Variants in PPARGC1A observed in about 807,000 individuals in gnomAD.
The protein encoded by PPARGC1A is peroxisome proliferator-activated receptor gamma coactivator 1-alpha.
In PPARGC1A, 25 loss-of-function variants were observed where a neutral mutation model predicts 88.7. The observed-to-expected ratio is 0.28, with a 90% CI of 0.21 to 0.39. The LOEUF is 0.39. PPARGC1A is among the 10% of genes least tolerant of loss of function. The pLI is 1.00. For missense variants in PPARGC1A, 880 were observed against 968.7 expected, an observed-to-expected ratio of 0.91 and a Z score of 1.22; for synonymous variants, 363 against 355.6, an observed-to-expected ratio of 1.02 and a Z score of -0.24.
the PPARGC1A span, among the ~76,000 whole-genome samples, chr4:24,233,751 G>T: frequency 6.6e-6 from 1 of 151,432 alleles, no homozygotes; most frequent in South Asian, 2.1e-4. Flanking sequence ...GGTCACACAG[G>T]TTAAAAAAAA....
chr4:23,926,254 C>T, the PPARGC1A span, among the ~76,000 whole-genome samples: 1 of 152,132 alleles, frequency 6.6e-6, no homozygotes, highest in African/African-American at 2.4e-5. Flanking sequence ...TCTTGCAGGA[C>T]CAGAACACTC....
the PPARGC1A span, among the ~76,000 whole-genome samples, chr4:24,246,121 G>T: frequency 4.6e-5 from 7 of 152,162 alleles, 1 homozygote; most frequent in African/African-American, 1.7e-4. Context: ...ATTTTCTGGT[G>T]TTTTTGTCTC....
the PPARGC1A span, among the ~76,000 whole-genome samples, chr4:24,236,128 T>C: frequency 6.6e-6 from 1 of 152,220 alleles, no homozygotes; most frequent in East Asian, 1.9e-4. Context: ...CTTTCTTACT[T>C]GTCAGCCAAC....
chr4:23,807,401 C>T (rs1306090061), intron 10 of PPARGC1A, among the ~76,000 whole-genome samples: 5 of 152,026 alleles, frequency 3.3e-5, no homozygotes, highest in Admixed American at 3.3e-4. Context: ...ATTCACGTAC[C>T]GTGTGCTACT....
chr4:24,158,429 C>T, the PPARGC1A span, among the ~76,000 whole-genome samples: 1 of 152,184 alleles, frequency 6.6e-6, no homozygotes, highest in East Asian at 1.9e-4. Flanking sequence ...AAAACAAGAT[C>T]AGGCATATGT....
chr4:23,844,973 A>G (rs1216785506), intron 2 of PPARGC1A, among the ~76,000 whole-genome samples: 1 of 149,938 alleles, frequency 6.7e-6, no homozygotes. Flanking sequence ...AGACAGGGAA[A>G]AGAGTAAGAG....
chr4:24,047,224 C>T, the PPARGC1A span, among the ~76,000 whole-genome samples: 4 of 152,156 alleles, frequency 2.6e-5, no homozygotes, highest in African/African-American at 9.7e-5. Flanking sequence ...TTTACTGTCC[C>T]TATTTGCCTG....
the PPARGC1A span, among the ~76,000 whole-genome samples, chr4:24,395,876 T>G: frequency 5.3e-5 from 8 of 152,226 alleles, no homozygotes; most frequent in African/African-American, 1.9e-4. Flanking sequence ...TGCCCCTCCA[T>G]GCTTCCACAT....
At chr4:23,808,168 G>A (rs527881408) in intron 10 of PPARGC1A, among the ~76,000 whole-genome samples, 54 of 149,144 alleles carry the variant, frequency 3.6e-4, no homozygotes, top group Non-Finnish European at 6.1e-4. Flanking sequence ...GAAGAATGGC[G>A]TGAACCCAGG....
chr4:23,909,905 G>A, the PPARGC1A span, among the ~76,000 whole-genome samples: 2 of 151,026 alleles, frequency 1.3e-5, no homozygotes, highest in African/African-American at 4.9e-5. Flanking sequence ...TAGCTGCTAA[G>A]GGAAATACAA....
At chr4:23,930,541 G>T in the PPARGC1A span, among the ~76,000 whole-genome samples, 1 of 152,148 alleles carries the variant, frequency 6.6e-6, no homozygotes, top group African/African-American at 2.4e-5. Context: ...ATAAAAAAAG[G>T]TTTTGAAATA....
At chr4:24,115,745 CTCT>C in the PPARGC1A span, among the ~76,000 whole-genome samples, 1 of 152,104 alleles carries the variant, frequency 6.6e-6, no homozygotes, top group African/African-American at 2.4e-5. Context: ...TCATTAATGG[CTCT>C]TCTTCATTTC....
At chr4:24,062,381 T>C in the PPARGC1A span, among the ~76,000 whole-genome samples, 2 of 152,220 alleles carry the variant, frequency 1.3e-5, no homozygotes, top group Non-Finnish European at 2.9e-5. Flanking sequence ...GTGGTCACCA[T>C]CTAATTCTTA....
chr4:24,261,525 T>G, the PPARGC1A span, among the ~76,000 whole-genome samples: 1 of 152,214 alleles, frequency 6.6e-6, no homozygotes. Flanking sequence ...TTTATTTCCA[T>G]TTTTCACTTT....
the PPARGC1A span, among the ~76,000 whole-genome samples, chr4:24,339,235 T>TACACACAC: frequency 9.1e-5 from 10 of 110,162 alleles, no homozygotes; most frequent in African/African-American, 3.7e-4. Context: ...TATATATATA[T>TACACACAC]ATACACACAC....
At chr4:24,105,555 G>A in the PPARGC1A span, among the ~76,000 whole-genome samples, 1 of 152,182 alleles carries the variant, frequency 6.6e-6, no homozygotes, top group Admixed American at 6.5e-5. Flanking sequence ...TGCAGACTCT[G>A]ATTCAGTATG....
chr4:24,051,938 A>C, the PPARGC1A span, among the ~76,000 whole-genome samples: 2 of 49,104 alleles, frequency 4.1e-5, no homozygotes, highest in Non-Finnish European at 6.7e-5. Context: ...ATTTGCACAA[A>C]AAAAAAAAAA....
At chr4:24,109,997 C>T in the PPARGC1A span, among the ~76,000 whole-genome samples, 1 of 152,156 alleles carries the variant, frequency 6.6e-6, no homozygotes, top group African/African-American at 2.4e-5. Flanking sequence ...GAACCCCCAG[C>T]AGCCATCCTC....
At chr4:24,217,831 A>C in the PPARGC1A span, among the ~76,000 whole-genome samples, 2 of 152,046 alleles carry the variant, frequency 1.3e-5, no homozygotes, top group African/African-American at 2.4e-5. Context: ...AAATAAAATA[A>C]AAAGAAAACA....
Sources: gnomAD v4.1 joint callset for allele counts (sites outside exome capture counted in the v4.1 genomes callset) on GRCh38, gnomAD v4.1.1 for gene constraint, MANE v1.5 for transcripts, NCBI Gene and HGNC (gene_info 2026-07-23, HGNC 2026-07-21) for gene names.